CDH6: variants seen among roughly 807,000 people sequenced by gnomAD.
CDH6 encodes cadherin-6.
In CDH6, 31 loss-of-function variants were observed where a neutral mutation model predicts 78.0. That is an observed-to-expected ratio of 0.40 (90% confidence interval 0.30 to 0.54). The LOEUF is 0.54. Ranked by LOEUF, CDH6 falls within the 20% of genes least tolerant of loss-of-function variation. The pLI, the probability that CDH6 is intolerant of heterozygous loss-of-function variation, is 0.56. For synonymous variants in CDH6, 376 were observed against 368.8 expected (o/e 1.02, Z -0.23); for missense variants, 724 against 975.9 (o/e 0.74, Z 3.44).
intron 2 of CDH6, among the ~76,000 whole-genome samples, chr5:31,278,382 C>T (rs1046411121): frequency 3.5e-4 from 53 of 151,924 alleles, no homozygotes; most frequent in South Asian, 1.7e-3. Flanking sequence ...CATGGTGGTC[C>T]GTGCACAAAC....
At chr5:31,199,228 TAC>T (rs902756760) in intron 1 of CDH6, among the ~76,000 whole-genome samples, 11 of 150,774 alleles carry the variant, frequency 7.3e-5, no homozygotes, top group African/African-American at 2.4e-4. Flanking sequence ...TACACACACA[TAC>T]ACACACACAC....
chr5:31,280,038 T>G (rs1006807536), intron 2 of CDH6, among the ~76,000 whole-genome samples: 3 of 152,152 alleles, frequency 2.0e-5, no homozygotes, highest in Non-Finnish European at 4.4e-5. Flanking sequence ...TCATTTTATC[T>G]CCTTTTCAAC....
At position 31,294,039 on chromosome 5, in the gene CDH6, T is replaced by A; in HGVS notation, c.306T>A (p.Ile102=). Residue 102 remains isoleucine, a synonymous_variant, in exon 3 of 12, where the codon ATT becomes ATA. Coordinates refer to ENST00000265071, the MANE Select transcript of CDH6 (RefSeq NM_004932.4). The surrounding 1 kb of genome is among the most constrained non-coding windows in gnomAD (Gnocchi z 4.1). ...LSGDGAGDLF[I]INENTGDIQA... is the part of the protein sequence containing the mutation. ...GAGATGGAGCAGGAGATCTCTTCAT[T>A]ATTAATGAAAACACAGGCGACATAC... is the stretch of plus-strand genomic sequence containing the variant. 6.2e-7 allele frequency: 1 copy of A among 1,613,700 alleles called. No individual in the cohort carries two copies. Among genetic ancestry groups the A allele is most frequent in the African/African-American group, 1.3e-5 (1 of 75,002 alleles).
At chr5:31,282,166 G>A (rs767447897) in intron 2 of CDH6, among the ~76,000 whole-genome samples, 5 of 152,050 alleles carry the variant, frequency 3.3e-5, no homozygotes, top group Non-Finnish European at 7.4e-5. Context: ...ACAGATTTGT[G>A]GCTTAACACA....
At chr5:31,244,136 A>G (rs888926215) in intron 1 of CDH6, among the ~76,000 whole-genome samples, 6 of 152,102 alleles carry the variant, frequency 3.9e-5, no homozygotes, top group East Asian at 1.9e-4. Flanking sequence ...GTATTTGCCT[A>G]TTTTTCTAAC....
At chr5:31,202,713 GTA>G (rs891990637) in intron 1 of CDH6, among the ~76,000 whole-genome samples, 9 of 149,502 alleles carry the variant, frequency 6.0e-5, no homozygotes, top group East Asian at 3.9e-4. Flanking sequence ...ACATACATGC[GTA>G]TATATGTTAC....
intron 1 of CDH6, among the ~76,000 whole-genome samples, chr5:31,230,568 G>C (rs772323302): frequency 6.6e-6 from 1 of 152,166 alleles, no homozygotes; most frequent in Non-Finnish European, 1.5e-5. Flanking sequence ...TTAAGACCAT[G>C]AGTAATGTAC....
At position 31,288,449 on chromosome 5, in the gene CDH6, C is replaced by A. The variant is rs546445964; in HGVS notation, c.229-5513C>A. Among the ~76,000 whole-genome samples the A allele has an allele frequency of 3.6e-4, 55 of 151,692 alleles. 1 individual carries two copies. In the South Asian group the frequency reaches 0.011, roughly 32 times the overall value. On this transcript the variant is annotated intron_variant, in intron 2 of 11. Coordinates refer to ENST00000265071, the MANE Select transcript of CDH6 (RefSeq NM_004932.4). ...CCCTGCCATGTACTTCAAGCAAGTT[C>A]AATTTCTTCCTGATATAAACTCTAC... is the stretch of plus-strand genomic sequence containing the variant.
At chr5:31,224,717 C>T (rs1441245301) in intron 1 of CDH6, among the ~76,000 whole-genome samples, 3 of 152,096 alleles carry the variant, frequency 2.0e-5, no homozygotes, top group Non-Finnish European at 4.4e-5. Flanking sequence ...CCACACCCCT[C>T]TAAATTTTGT....
At chr5:31,208,935 A>G (rs1261062323) in intron 1 of CDH6, among the ~76,000 whole-genome samples, 1 of 152,220 alleles carries the variant, frequency 6.6e-6, no homozygotes, top group African/African-American at 2.4e-5. Context: ...CAATGCATGG[A>G]ATAGGATCTT....
chr5:31,323,981 A>G lies in CDH6; in HGVS notation c.*673A>G, dbSNP rs1322388511. The G allele has an allele frequency of 3.1e-5, 7 of 226,858 alleles. No homozygotes were observed. Among genetic ancestry groups the G allele is most frequent in the Non-Finnish European group, 5.2e-5 (6 of 114,428 alleles). The allele number at this position is 226,858 out of a possible 1,614,324, so 14.1% of individuals were successfully genotyped here. On this transcript the variant is annotated 3_prime_UTR_variant, in exon 12 of 12. Transcript: ENST00000265071. ...GACTTCATTCCTTCCACTAACTCAT[A>G]GTTTGTTATATCCTAGACTAGACAT... is the stretch of plus-strand genomic sequence containing the variant.
At chr5:31,256,992 C>G (rs1357289493) in intron 1 of CDH6, among the ~76,000 whole-genome samples, 2 of 152,156 alleles carry the variant, frequency 1.3e-5, no homozygotes, top group African/African-American at 2.4e-5. Context: ...ACTATCACGA[C>G]TTTCGACAGT....
chr5:31,249,970 C>A (rs1162229980), intron 1 of CDH6: 5 of 152,232 alleles, frequency 3.3e-5, no homozygotes, highest in Admixed American at 3.3e-4. Flanking sequence ...GATGTGACTC[C>A]CAGAGAACAA....
At chr5:31,296,636 T>C (rs899529135) in intron 3 of CDH6, among the ~76,000 whole-genome samples, 1 of 152,180 alleles carries the variant, frequency 6.6e-6, no homozygotes, top group Admixed American at 6.5e-5. Context: ...GATGCTTTTA[T>C]TGGTAAGTAA....
intron 1 of CDH6, among the ~76,000 whole-genome samples, chr5:31,226,623 G>A (rs140659603): frequency 1.8e-4 from 27 of 152,280 alleles, no homozygotes; most frequent in South Asian, 1.7e-3. Context: ...CAACCAGAGT[G>A]CAGTTCTCCT....
intron 3 of CDH6, 142 bp from the exon 4 acceptor site, chr5:31,297,147 T>A: frequency 1.4e-6 from 1 of 705,388 alleles, no homozygotes. Flanking sequence ...TCCAATCCTT[T>A]TTCACCCAGC....
At chr5:31,217,702 T>C (rs553812267) in intron 1 of CDH6, among the ~76,000 whole-genome samples, 1 of 152,008 alleles carries the variant, frequency 6.6e-6, no homozygotes, top group Non-Finnish European at 1.5e-5. Context: ...GTTGAGGGGG[T>C]GAACATTTTT....
At chr5:31,206,143 G>A (rs1224882712) in intron 1 of CDH6, among the ~76,000 whole-genome samples, 1 of 123,608 alleles carries the variant, frequency 8.1e-6, no homozygotes. Flanking sequence ...ATGACAGATA[G>A]ATAGATAGAT....
rs766683610 is a variant in CDH6, at chr5:31,305,306, G to A, written c.1132G>A (p.Asp378Asn). Residue 378 changes from aspartate to asparagine, a missense_variant, in exon 7 of 12, where the codon GAT (aspartate) becomes AAT (asparagine). Transcript: ENST00000265071. ...GGTTAGAATTGTGGTGGAGGATGTA[G>A]ATGAGCCACCTGTCTTCAGCAAACT... The part of the protein sequence containing the change: ...ATVRIVVEDV[D>N]EPPVFSKLAY... 8 of 1,614,010 alleles carry A rather than the reference G, an allele frequency of 5.0e-6. No homozygotes were observed. The African/African-American group carries it at 8.0e-5, about 16-fold the overall frequency.
Sources: gnomAD v4.1 joint callset for allele counts (sites outside exome capture counted in the v4.1 genomes callset) on GRCh38, gnomAD v4.1.1 for gene constraint, Gnocchi (gnomAD v3.1) non-coding constraint, MANE v1.5 for transcripts, NCBI Gene and HGNC (gene_info 2026-07-23, HGNC 2026-07-21) for gene names.